Variants in RCSD1 observed in about 807,000 individuals in gnomAD.
RCSD1 encodes RCSD domain containing 1.
A neutral mutation model predicts 42.5 loss-of-function variants in RCSD1; 26 were observed. The ratio of observed to expected loss-of-function variants is 0.61; its 90% CI spans 0.45 to 0.85. The LOEUF (loss-of-function observed/expected upper bound fraction) is 0.85, where lower values mean the gene tolerates loss of function less well. RCSD1 is among the 40% of genes least tolerant of loss of function. RCSD1 has a pLI of 0.00. For missense variants in RCSD1, 571 were observed against 528.3 expected (o/e 1.08, Z -0.79); for synonymous variants, 220 against 212.2 (o/e 1.04, Z -0.32).
chr1:167,704,000 C>A (rs1659700922), intron 6 of RCSD1, among the ~76,000 whole-genome samples: 2 of 152,138 alleles, frequency 1.3e-5, no homozygotes, highest in Non-Finnish European at 2.9e-5. Context: ...ACATCACACC[C>A]CACCTTGTAC....
chr1:167,679,824 G>A (rs1390309432), intron 1 of RCSD1, among the ~76,000 whole-genome samples: 3 of 152,180 alleles, frequency 2.0e-5, no homozygotes, highest in Admixed American at 6.5e-5. Context: ...CAGAGCCTAG[G>A]AAGCAGGTAG....
At chr1:167,653,825 G>A (rs1461488634) in intron 1 of RCSD1, among the ~76,000 whole-genome samples, 1 of 152,208 alleles carries the variant, frequency 6.6e-6, no homozygotes, top group Non-Finnish European at 1.5e-5. Flanking sequence ...CTGTCCAGGT[G>A]AAGAGAATAA....
rs959786695 is a variant in RCSD1 at position 167,707,897 on chromosome 1, T to C, written c.*3201T>C. ...TTTTAGTAGAGACCAGGTTTCACTA[T>C]GTTGGCCAGGCTGGTCTCAAACTCC... On this transcript the variant is annotated 3_prime_UTR_variant, in exon 7 of 7. Coordinates refer to ENST00000367854, the MANE Select transcript of RCSD1 (RefSeq NM_052862.4). Among the ~76,000 whole-genome samples the C allele has an allele frequency of 2.6e-4, 39 of 152,244 alleles. No individual in the cohort carries two copies. Among genetic ancestry groups the C allele is most frequent in the Non-Finnish European group, 1.2e-4 (8 of 68,044 alleles).
intron 1 of RCSD1, among the ~76,000 whole-genome samples, chr1:167,683,568 C>T (rs1659136770): frequency 6.6e-6 from 1 of 152,220 alleles, no homozygotes; most frequent in African/African-American, 2.4e-5. Flanking sequence ...CGTACACTGT[C>T]GCAGACGTTG....
intron 3 of RCSD1, among the ~76,000 whole-genome samples, chr1:167,687,472 T>G (rs1659264207): frequency 6.9e-6 from 1 of 145,644 alleles, no homozygotes; most frequent in Non-Finnish European, 1.5e-5. Context: ...GCAGTGAGCC[T>G]AGATCGCGCC....
intron 1 of RCSD1, among the ~76,000 whole-genome samples, chr1:167,657,435 T>C (rs139414127): frequency 2.6e-5 from 4 of 152,350 alleles, no homozygotes; most frequent in Non-Finnish European, 5.9e-5. Context: ...AGAAAGCAGT[T>C]GCCAATAGCA....
chr1:167,682,620 A>T (rs1212578088), intron 1 of RCSD1, among the ~76,000 whole-genome samples: 3 of 152,114 alleles, frequency 2.0e-5, no homozygotes, highest in African/African-American at 7.2e-5. Context: ...CACCCAAATA[A>T]GAAAGCTCAG....
At chr1:167,695,654 A>G (rs537433243) in intron 5 of RCSD1, among the ~76,000 whole-genome samples, 32 of 151,078 alleles carry the variant, frequency 2.1e-4, no homozygotes, top group South Asian at 6.3e-4. Context: ...GCCTCCTAGT[A>G]GCTAGGACTA....
At chr1:167,677,458 A>T (rs1311499653) in intron 1 of RCSD1, among the ~76,000 whole-genome samples, 1 of 152,228 alleles carries the variant, frequency 6.6e-6, no homozygotes, top group Admixed American at 6.5e-5. Context: ...TGCCCCCAGG[A>T]GGCAGGTCTG....
intron 6 of RCSD1, among the ~76,000 whole-genome samples, chr1:167,702,850 A>T (rs1296936079): frequency 2.6e-5 from 4 of 152,228 alleles, no homozygotes; most frequent in African/African-American, 9.6e-5. Context: ...AACACTCATT[A>T]TGTATCCAGT....
intron 1 of RCSD1, among the ~76,000 whole-genome samples, chr1:167,641,040 C>T (rs1013327557): frequency 5.9e-5 from 9 of 152,170 alleles, no homozygotes; most frequent in Non-Finnish European, 1.0e-4. Context: ...TTTATTGACA[C>T]CTGTTGTGTG....
At chr1:167,694,514 C>G (rs1242210351) in intron 5 of RCSD1, among the ~76,000 whole-genome samples, 1 of 152,176 alleles carries the variant, frequency 6.6e-6, no homozygotes, top group Non-Finnish European at 1.5e-5. Context: ...GGCTCATCTC[C>G]CCTTGCTGTA....
At chr1:167,702,001 T>C (rs1659656599) in intron 6 of RCSD1, among the ~76,000 whole-genome samples, 1 of 152,234 alleles carries the variant, frequency 6.6e-6, no homozygotes, top group South Asian at 2.1e-4. Context: ...CCCATCTTGT[T>C]CCTCTGTCGG....
At chr1:167,650,194 T>A (rs1299869761) in intron 1 of RCSD1, among the ~76,000 whole-genome samples, 1 of 152,138 alleles carries the variant, frequency 6.6e-6, no homozygotes, top group East Asian at 1.9e-4. Flanking sequence ...TATAAAAGAC[T>A]CCACAGATGC....
chr1:167,650,590 G>A (rs567453500), intron 1 of RCSD1, among the ~76,000 whole-genome samples: 208 of 152,286 alleles, frequency 1.4e-3, no homozygotes, highest in Middle Eastern at 6.8e-3. Flanking sequence ...AAGGACCGCC[G>A]CCCATCCCTT....
intron 1 of RCSD1, among the ~76,000 whole-genome samples, chr1:167,674,478 T>A (rs564500773): frequency 1.3e-5 from 2 of 152,234 alleles, no homozygotes; most frequent in African/African-American, 4.8e-5. Flanking sequence ...TTTATTGAGA[T>A]ATCGTTTACA....
chr1:167,675,133 G>A (rs951072803), intron 1 of RCSD1, among the ~76,000 whole-genome samples: 1 of 143,850 alleles, frequency 7.0e-6, no homozygotes, highest in Admixed American at 6.9e-5. Flanking sequence ...TTGAACCCAG[G>A]AGGTGGAGGT....
chr1:167,696,283 A>G (rs891031270), intron 5 of RCSD1, among the ~76,000 whole-genome samples: 1 of 152,026 alleles, frequency 6.6e-6, no homozygotes, highest in African/African-American at 2.4e-5. Flanking sequence ...ATCATAAGTT[A>G]TCTTTTTTAC....
intron 1 of RCSD1, chr1:167,638,400 T>A (rs554424564): frequency 6.6e-6 from 1 of 152,390 alleles, no homozygotes; most frequent in South Asian, 2.1e-4. Flanking sequence ...GAAAGGATGC[T>A]GAGGCTTTGA....
Sources: allele counts gnomAD v4.1 joint callset (sites outside exome capture counted in the v4.1 genomes callset), GRCh38; gene constraint gnomAD v4.1.1; transcripts MANE v1.5; gene names NCBI Gene and HGNC (gene_info 2026-07-23, HGNC 2026-07-21).